The following DMD variants were observed in gnomAD, a reference collection of about 807,000 sequenced individuals.
The protein encoded by DMD is mutant dystrophin.
A neutral mutation model predicts 330.1 loss-of-function variants in DMD; 63 were observed. The ratio of observed to expected loss-of-function variants is 0.19; its 90% CI spans 0.16 to 0.24. DMD has a LOEUF of 0.24. DMD is among the 10% of genes least tolerant of loss of function. The pLI is 1.00. For synonymous variants in DMD, 1,223 were observed against 959.8 expected (o/e 1.27, Z -5.07); for missense variants, 3,344 against 2,684.1 (o/e 1.25, Z -5.43).
intron 44 of DMD, among the ~76,000 whole-genome samples, chrX:32,106,131 T>C (rs925727147): frequency 1.1e-4 from 12 of 111,962 alleles, no homozygotes; most frequent in Admixed American, 8.6e-4. Context: ...AATTTCTGAT[T>C]CATTTGATTG....
At chrX:32,866,276 C>A (rs1296625025) in intron 2 of DMD, among the ~76,000 whole-genome samples, 1 of 112,061 alleles carries the variant, frequency 8.9e-6, no homozygotes, top group African/African-American at 3.2e-5. Context: ...GTAATCCTAG[C>A]AGTAAGGTGA....
chrX:32,011,927 C>G (rs1210290029), intron 44 of DMD, among the ~76,000 whole-genome samples: 1 of 111,857 alleles, frequency 8.9e-6, no homozygotes, highest in Non-Finnish European at 1.9e-5. Flanking sequence ...CATAGTACTA[C>G]TATCTTATTT....
chrX:31,459,753 C>A (rs187854282), intron 59 of DMD, among the ~76,000 whole-genome samples: 1 of 111,927 alleles, frequency 8.9e-6, no homozygotes, highest in East Asian at 2.8e-4. Context: ...CAGGGCTGAG[C>A]ACACTGTGGA....
At chrX:32,888,908 C>A (rs183720124) in intron 2 of DMD, among the ~76,000 whole-genome samples, 3 of 109,684 alleles carry the variant, frequency 2.7e-5, no homozygotes, top group African/African-American at 6.7e-5. Context: ...AGTCCAGGCA[C>A]GGAAAATTAT....
chrX:32,669,280 A>G (rs1021112279), intron 9 of DMD, among the ~76,000 whole-genome samples: 1 of 111,575 alleles, frequency 9.0e-6, no homozygotes, highest in Admixed American at 9.6e-5. Context: ...GTATACTTCT[A>G]AAACAGTAGA....
intron 63 of DMD, among the ~76,000 whole-genome samples, chrX:31,233,933 A>C (rs982478066): frequency 9.0e-6 from 1 of 111,452 alleles, no homozygotes; most frequent in Admixed American, 9.5e-5. Flanking sequence ...GGGCTCACAT[A>C]ATGGTTTTTG....
At chrX:32,156,940 G>A (rs1457200847) in intron 44 of DMD, among the ~76,000 whole-genome samples, 6 of 111,667 alleles carry the variant, frequency 5.4e-5, no homozygotes, top group African/African-American at 9.8e-5. Context: ...ACACCTGGAA[G>A]CAATCTCCGC....
intron 50 of DMD, among the ~76,000 whole-genome samples, chrX:31,809,184 TTTA>T (rs2092387643): frequency 9.8e-6 from 1 of 102,372 alleles, no homozygotes; most frequent in South Asian, 4.1e-4. Flanking sequence ...TATATATGAG[TTTA>T]TATATAAATA....
chrX:33,325,229 C>T (rs1182049254), intron 1 of DMD, among the ~76,000 whole-genome samples: 4 of 111,592 alleles, frequency 3.6e-5, no homozygotes, highest in Admixed American at 9.6e-5. Flanking sequence ...CAAAAAGCAT[C>T]GACATAAATG....
At chrX:32,006,214 G>A (rs934914789) in intron 44 of DMD, among the ~76,000 whole-genome samples, 12 of 111,733 alleles carry the variant, frequency 1.1e-4, no homozygotes, top group African/African-American at 3.9e-4. Context: ...TATTTCACAT[G>A]AAAGACTCTT....
intron 9 of DMD, among the ~76,000 whole-genome samples, chrX:32,695,470 G>A (rs973851453): frequency 9.0e-6 from 1 of 111,332 alleles, no homozygotes. Flanking sequence ...AAATCTTTTC[G>A]AGGCAGTTTA....
At chrX:32,840,485 G>C (rs1204744704) in intron 4 of DMD, among the ~76,000 whole-genome samples, 1 of 111,072 alleles carries the variant, frequency 9.0e-6, no homozygotes, top group East Asian at 2.8e-4. Context: ...ATATACATAA[G>C]TGTACAACTT....
intron 45 of DMD, among the ~76,000 whole-genome samples, chrX:31,959,511 A>C (rs2095279334): frequency 1.8e-5 from 2 of 111,836 alleles, no homozygotes; most frequent in Non-Finnish European, 3.8e-5. Flanking sequence ...TCACTCATTT[A>C]CTTCTCATTT....
chrX:32,591,338 A>G (rs1048697801), intron 13 of DMD, among the ~76,000 whole-genome samples: 1 of 111,957 alleles, frequency 8.9e-6, no homozygotes, highest in Non-Finnish European at 1.9e-5. Context: ...ACAGAATAAC[A>G]TACCTAAAAA....
At chrX:32,266,697 G>A (rs188841849) in intron 43 of DMD, among the ~76,000 whole-genome samples, 18 of 111,734 alleles carry the variant, frequency 1.6e-4, no homozygotes, top group African/African-American at 4.5e-4. Context: ...TGATAAGAGC[G>A]ATAATGGCAG....
At chrX:32,177,096 C>T (rs1316003422) in intron 44 of DMD, among the ~76,000 whole-genome samples, 2 of 111,801 alleles carry the variant, frequency 1.8e-5, no homozygotes, top group African/African-American at 3.3e-5. Context: ...CCGTCAATTA[C>T]GTCTCCTGTA....
intron 60 of DMD, among the ~76,000 whole-genome samples, chrX:31,393,184 AT>A (rs1266119081): frequency 1.8e-5 from 2 of 112,075 alleles, no homozygotes; most frequent in Admixed American, 9.4e-5. Context: ...CTTGTTTAAA[AT>A]ATTTTTTCTT....
intron 52 of DMD, among the ~76,000 whole-genome samples, chrX:31,702,928 C>T (rs1397497306): frequency 9.4e-6 from 1 of 106,289 alleles, no homozygotes; most frequent in Non-Finnish European, 1.9e-5. Context: ...CATCTTGGCT[C>T]ACTGCCACCT....
chrX:31,482,244 G>A lies in DMD; in HGVS notation c.8548-3141C>T, dbSNP rs1435686337. 1.2e-4 allele frequency among the ~76,000 whole-genome samples: 12 copies of A among 100,308 alleles called. 1 individual carries two copies. Among genetic ancestry groups the A allele is most frequent in the African/African-American group, 4.3e-4 (11 of 25,847 alleles). The allele number at this position is 100,308 out of a possible 115,157, so 87.1% of individuals were successfully genotyped here. On this transcript the variant is annotated intron_variant, in intron 57 of 78. Transcript: ENST00000357033. ...GTGTGTGTGTGTGTGTGTGGGGGGG[G>A]TGTTCTGTGCATGGGGGACAGAGTA...
Sources: gnomAD v4.1 joint callset for allele counts (sites outside exome capture counted in the v4.1 genomes callset) on GRCh38, gnomAD v4.1.1 for gene constraint, MANE v1.5 for transcripts, NCBI Gene and HGNC (gene_info 2026-07-23, HGNC 2026-07-21) for gene names.